Variants in CRPPA observed in about 807,000 individuals in gnomAD.
CRPPA encodes the protein CDP-L-ribitol pyrophosphorylase A.
A neutral mutation model predicts 52.0 loss-of-function variants in CRPPA; 43 were observed. That is an observed-to-expected ratio of 0.83 (90% CI 0.65 to 1.07). The LOEUF (loss-of-function observed/expected upper bound fraction) is 1.07, where lower values mean the gene tolerates loss of function less well. CRPPA is among the 50% of genes least tolerant of loss of function. The probability of loss-of-function intolerance (pLI) is 0.00; values close to 1 mark genes in which losing one functional copy is unlikely to be tolerated. For synonymous variants in CRPPA, 250 were observed against 203.5 expected, an observed-to-expected ratio of 1.23 and a Z score of -1.94; for missense variants, 629 against 551.7, an observed-to-expected ratio of 1.14 and a Z score of -1.40.
At chr7:16,134,319 AC>A (rs1247910815) in intron 9 of CRPPA, among the ~76,000 whole-genome samples, 2 of 123,666 alleles carry the variant, frequency 1.6e-5, no homozygotes, top group African/African-American at 2.6e-5. Flanking sequence ...GGGGTCTGCA[AC>A]CCCCAGGCTA....
chr7:16,168,682 G>A (rs1781116992), intron 9 of CRPPA, among the ~76,000 whole-genome samples: 1 of 152,028 alleles, frequency 6.6e-6, no homozygotes, highest in African/African-American at 2.4e-5. Context: ...AGAAATATTA[G>A]GGTATCTATC....
intron 5 of CRPPA, among the ~76,000 whole-genome samples, chr7:16,294,085 CT>C (rs935912170): frequency 4.0e-5 from 6 of 151,372 alleles, no homozygotes; most frequent in African/African-American, 4.8e-5. Flanking sequence ...CAATACCATA[CT>C]TTTTTTTTCT....
chr7:16,346,399 A>C (rs1222411085), intron 3 of CRPPA, among the ~76,000 whole-genome samples: 3 of 152,158 alleles, frequency 2.0e-5, no homozygotes, highest in Admixed American at 1.3e-4. Context: ...CCAGAGGATA[A>C]GGAAAAGAGC....
intron 1 of CRPPA, among the ~76,000 whole-genome samples, chr7:16,408,044 G>T (rs1787994880): frequency 6.7e-6 from 1 of 150,050 alleles, no homozygotes; most frequent in Admixed American, 6.7e-5. Context: ...GGAGGCAGAA[G>T]TTGAAATGAG....
intron 9 of CRPPA, among the ~76,000 whole-genome samples, chr7:16,148,194 C>T (rs552804884): frequency 6.6e-6 from 1 of 152,194 alleles, no homozygotes; most frequent in South Asian, 2.1e-4. Flanking sequence ...TTCAGCATAA[C>T]TAGACATAAT....
chr7:16,385,045 G>A (rs182283411), intron 2 of CRPPA, among the ~76,000 whole-genome samples: 1 of 152,184 alleles, frequency 6.6e-6, no homozygotes, highest in Admixed American at 6.5e-5. Context: ...ATTTATAAAG[G>A]AGCTCAGTGA....
chr7:16,261,555 AT>A (rs1331051780), intron 6 of CRPPA, among the ~76,000 whole-genome samples: 1 of 151,948 alleles, frequency 6.6e-6, no homozygotes, highest in Non-Finnish European at 1.5e-5. Flanking sequence ...AATTCACATT[AT>A]TAGATGAATA....
At chr7:16,277,243 C>T (rs1784221566) in intron 6 of CRPPA, 1 of 151,326 alleles carries the variant, frequency 6.6e-6, no homozygotes, top group African/African-American at 2.4e-5. Flanking sequence ...TAAAATTACA[C>T]AGCTAATGGG....
chr7:16,316,919 T>C (rs552544505), intron 3 of CRPPA, among the ~76,000 whole-genome samples: 2 of 152,238 alleles, frequency 1.3e-5, no homozygotes, highest in East Asian at 3.9e-4. Context: ...ATAATACCTA[T>C]GTATTATTGC....
chr7:16,100,009 C>T (rs989368847), intron 9 of CRPPA, among the ~76,000 whole-genome samples: 1 of 152,146 alleles, frequency 6.6e-6, no homozygotes, highest in Non-Finnish European at 1.5e-5. Flanking sequence ...TTGGCTACTG[C>T]TCCAACCTCC....
At position 16,310,331 on chromosome 7, in the gene CRPPA, C is replaced by A. The variant is rs77405708; in HGVS notation, c.685-1704G>T. Among the ~76,000 whole-genome samples the A allele has an allele frequency of 4.6e-5, 7 of 152,144 alleles. No homozygotes were observed. The East Asian group carries it at 1.4e-3, about 30-fold the overall frequency. On this transcript the variant is annotated intron_variant, in intron 3 of 9. Coordinates refer to ENST00000407010, the MANE Select transcript of CRPPA (RefSeq NM_001101426.4). Reference sequence around the variant, plus strand: ...TCAGAGATCCCCCAAAAAGCAAGGTCCAGCCCAGTTATGCTATAGAGAAAC... The same window carrying A: ...TCAGAGATCCCCCAAAAAGCAAGGTACAGCCCAGTTATGCTATAGAGAAAC...
chr7:16,270,498 T>C (rs1784066534), intron 6 of CRPPA: 1 of 152,172 alleles, frequency 6.6e-6, no homozygotes, highest in Non-Finnish European at 1.5e-5. Flanking sequence ...ATATAATTCA[T>C]ACCATCTTCT....
intron 8 of CRPPA, among the ~76,000 whole-genome samples, chr7:16,250,472 G>C (rs1783416089): frequency 1.3e-5 from 2 of 152,154 alleles, no homozygotes; most frequent in Non-Finnish European, 2.9e-5. Context: ...GGTAGCTGGA[G>C]AGAAAGGTCA....
chr7:16,357,800 A>G (rs755295076), intron 3 of CRPPA, among the ~76,000 whole-genome samples: 1 of 152,184 alleles, frequency 6.6e-6, no homozygotes, highest in Non-Finnish European at 1.5e-5. Context: ...TCTGAGGGGG[A>G]GTACCCAATG....
At chr7:16,173,829 A>T (rs1410772978) in intron 9 of CRPPA, among the ~76,000 whole-genome samples, 1 of 152,206 alleles carries the variant, frequency 6.6e-6, no homozygotes, top group Admixed American at 6.5e-5. Flanking sequence ...ATGATCTACA[A>T]GTTAAACTGT....
chr7:16,408,116 AAAAAAT>A lies in CRPPA; in HGVS notation c.258-1785_258-1780del, dbSNP rs1455279066. Among the ~76,000 whole-genome samples the A allele has an allele frequency of 4.0e-5, 6 of 149,606 alleles. No homozygotes were observed. The East Asian group carries it at 1.2e-3, about 29-fold the overall frequency. On this transcript the variant is annotated intron_variant, in intron 1 of 9. Transcript: ENST00000407010. The stretch of plus-strand genomic sequence containing the variant: ...GAGCAGGACTCTGTCTTTAAAAAAA[AAAAAAT>A]AAAAAAATAACTTATCAGCATCGAG...
chr7:16,301,355 T>A (rs1332923546), intron 5 of CRPPA, 66 bp downstream of exon 5: 1 of 1,315,096 alleles, frequency 7.6e-7, no homozygotes, highest in East Asian at 2.3e-5. Context: ...TAAACTGTCA[T>A]GAGAAATTCC....
At chr7:16,406,486 T>A in intron 1 of CRPPA, 149 bp from the exon 2 acceptor site, 1 of 654,746 alleles carries the variant, frequency 1.5e-6, no homozygotes, top group Admixed American at 2.9e-5. Flanking sequence ...TCTCGTTAGG[T>A]CCAGTAAAGA....
intron 9 of CRPPA, among the ~76,000 whole-genome samples, chr7:16,211,124 T>G (rs1782123378): frequency 6.6e-6 from 1 of 152,236 alleles, no homozygotes; most frequent in Non-Finnish European, 1.5e-5. Context: ...CAAAAAAATC[T>G]GTAGCAGAAG....
Sources: gnomAD v4.1 joint callset for allele counts (sites outside exome capture counted in the v4.1 genomes callset) on GRCh38, gnomAD v4.1.1 for gene constraint, MANE v1.5 for transcripts, NCBI Gene and HGNC (gene_info 2026-07-23, HGNC 2026-07-21) for gene names.